NEDD9: variants seen among roughly 807,000 people sequenced by gnomAD.
NEDD9 encodes enhancer of filamentation 1.
A neutral mutation model predicts 76.6 loss-of-function variants in NEDD9; 26 were observed. The ratio of observed to expected loss-of-function variants is 0.34; its 90% CI spans 0.25 to 0.47. NEDD9 has a LOEUF of 0.47. NEDD9 is among the 20% of genes least tolerant of loss of function. The pLI, the probability that NEDD9 is intolerant of heterozygous loss-of-function variation, is 1.00. For synonymous variants in NEDD9, 392 were observed against 414.2 expected (o/e 0.95, Z 0.65); for missense variants, 937 against 1,058.5 (o/e 0.89, Z 1.59).
chr6:11,253,328 A>G (rs1025804727), intron 3 of NEDD9, among the ~76,000 whole-genome samples: 7 of 152,200 alleles, frequency 4.6e-5, no homozygotes, highest in Admixed American at 4.6e-4. Flanking sequence ...GGCCTCCTCC[A>G]TTGAGGTTGC....
intron 1 of NEDD9, among the ~76,000 whole-genome samples, chr6:11,225,932 AC>A (rs1374162026): frequency 6.6e-6 from 1 of 151,856 alleles, no homozygotes; most frequent in East Asian, 1.9e-4. Context: ...CCCTACGTCA[AC>A]CATGAAAAAC....
At position 11,268,725 on chromosome 6, in the gene NEDD9, T is replaced by TCACACAAACA. The variant is rs1162856844; in HGVS notation, c.12+37266_12+37267insTGTTTGTGTG. Among the ~76,000 whole-genome samples, 318 of 135,246 alleles carry TCACACAAACA rather than the reference T, an allele frequency of 2.4e-3. 3 individuals are homozygous for TCACACAAACA. Among genetic ancestry groups the TCACACAAACA allele is most frequent in the African/African-American group, 7.0e-3 (248 of 35,228 alleles). The allele number at this position is 135,246 out of a possible 152,430, so 88.7% of individuals were successfully genotyped here. A position where few individuals can be genotyped will look rare whatever the true frequency, so the allele number is the denominator to read the frequency against. The stretch of plus-strand genomic sequence containing the variant: ...CCTGGGCAACAAGAACGAAGCTCCA[T>TCACACAAACA]CACACACACACACACACACAGACAC... On this transcript the variant is annotated intron_variant, in intron 3 of 3. Coordinates refer to the NEDD9 transcript ENST00000397378.
intron 1 of NEDD9, among the ~76,000 whole-genome samples, chr6:11,381,351 G>A (rs763458421): frequency 3.3e-5 from 5 of 152,182 alleles, no homozygotes; most frequent in East Asian, 1.9e-4. Context: ...ATTGGTGGCC[G>A]ATCTCTGCAT....
chr6:11,187,999 A>T (rs1758019794), intron 6 of NEDD9, among the ~76,000 whole-genome samples: 1 of 151,756 alleles, frequency 6.6e-6, no homozygotes, highest in African/African-American at 2.4e-5. Context: ...TTTAGCCTTT[A>T]AAAAAATTGC....
intron 3 of NEDD9, among the ~76,000 whole-genome samples, chr6:11,305,600 T>A (rs79420098): frequency 6.6e-6 from 1 of 152,346 alleles, no homozygotes; most frequent in East Asian, 1.9e-4. Context: ...TGGTTGAAGG[T>A]GACTGGCAAA....
chr6:11,263,467 C>A (rs1191370869), intron 3 of NEDD9, among the ~76,000 whole-genome samples: 1 of 151,902 alleles, frequency 6.6e-6, no homozygotes, highest in African/African-American at 2.4e-5. Context: ...GGAAAAAAAC[C>A]CTCCCAGGAG....
intron 3 of NEDD9, among the ~76,000 whole-genome samples, chr6:11,248,294 C>A (rs957414898): frequency 6.6e-6 from 1 of 151,868 alleles, no homozygotes; most frequent in Non-Finnish European, 1.5e-5. Context: ...CAGCTAAGTG[C>A]GCCATCTCTT....
Position 11,299,584 on chromosome 6 carries a change from T to A in NEDD9, c.12+6408A>T, listed in dbSNP as rs149723970. On this transcript the variant is annotated intron_variant, in intron 3 of 3. Transcript: ENST00000397378. ...GTCCTTGACCCCTGTGTAGCCTGAC[T>A]GGGAAACACTTCCCAGTAGGGGCCA... Among the ~76,000 whole-genome samples the A allele has an allele frequency of 1.4e-3, 214 of 152,322 alleles. 4 individuals are homozygous for A. The highest frequency in any genetic ancestry group is 4.9e-3 in the African/African-American group (203 of 41,576).
chr6:11,261,793 G>C (rs1344572021), intron 3 of NEDD9, among the ~76,000 whole-genome samples: 1 of 136,928 alleles, frequency 7.3e-6, no homozygotes, highest in African/African-American at 3.0e-5. Context: ...TTTTTGCTCT[G>C]CTAAAATTCC....
chr6:11,249,057 C>T (rs974126567), intron 3 of NEDD9: 24 of 448,658 alleles, frequency 5.3e-5, no homozygotes, highest in Admixed American at 2.1e-4. Context: ...CATATGTCAA[C>T]GTGACTGGGC....
chr6:11,379,000 G>C (rs1417745267), intron 1 of NEDD9, among the ~76,000 whole-genome samples: 2 of 152,164 alleles, frequency 1.3e-5, no homozygotes, highest in Non-Finnish European at 2.9e-5. Context: ...GGACGTTTGG[G>C]AGCCACTGTG....
chr6:11,342,211 A>T (rs963747181), intron 1 of NEDD9, among the ~76,000 whole-genome samples: 4 of 152,160 alleles, frequency 2.6e-5, no homozygotes, highest in African/African-American at 9.7e-5. Context: ...AATATCAGAC[A>T]GTCTAACTTA....
chr6:11,275,405 T>C (rs1760394347), intron 3 of NEDD9, among the ~76,000 whole-genome samples: 1 of 152,162 alleles, frequency 6.6e-6, no homozygotes, highest in Non-Finnish European at 1.5e-5. Flanking sequence ...ATTTTAAATA[T>C]TTTTACCCTA....
chr6:11,214,242 C>G, intron 1 of NEDD9: 1 of 512,752 alleles, frequency 2.0e-6, no homozygotes, highest in Non-Finnish European at 3.9e-6. Flanking sequence ...CATATATATG[C>G]CTTGGCAGGG....
intron 2 of NEDD9, among the ~76,000 whole-genome samples, chr6:11,203,718 G>T (rs908924132): frequency 6.6e-6 from 1 of 152,170 alleles, no homozygotes; most frequent in African/African-American, 2.4e-5. Context: ...GCTCCTTAAT[G>T]GGGAACTCTG....
At chr6:11,243,786 A>G (rs1383826378) in intron 3 of NEDD9, among the ~76,000 whole-genome samples, 4 of 151,896 alleles carry the variant, frequency 2.6e-5, no homozygotes, top group Admixed American at 2.6e-4. Context: ...AATGACGTCT[A>G]CTCTGATGAC....
rs542368053 is a variant in NEDD9, at chr6:11,325,436, C to T, written c.-153+9065G>A. Among the ~76,000 whole-genome samples, 7 of 151,700 alleles carry T rather than the reference C, an allele frequency of 4.6e-5. No individual in the cohort carries two copies. The South Asian group carries it at 1.0e-3, about 23-fold the overall frequency. ...GTTTTGTGCAGCATTTTCCACTGTT[C>T]TGGTAAGAATGAAATATGCAAATTG... is the stretch of plus-strand genomic sequence containing the variant. On this transcript the variant is annotated intron_variant, in intron 2 of 3. Transcript: ENST00000397378.
chr6:11,265,458 T>C (rs1214248009), intron 3 of NEDD9, among the ~76,000 whole-genome samples: 3 of 152,276 alleles, frequency 2.0e-5, no homozygotes. Context: ...AATAAATCTA[T>C]GCTTAAAGTT....
rs149207732 is a variant in NEDD9, at chr6:11,342,874, T to C, written c.-213-8313A>G. Among the ~76,000 whole-genome samples the C allele has an allele frequency of 7.4e-4, 112 of 152,306 alleles. 1 individual carries two copies. The East Asian group carries it at 0.012, about 16-fold the overall frequency. Reference sequence around the variant, plus strand: ...CCACATTCAAAAGACTTAACATGCATAGTTGCATATTAAATTCTAGGACAG... The same window carrying C: ...CCACATTCAAAAGACTTAACATGCACAGTTGCATATTAAATTCTAGGACAG... On this transcript the variant is annotated intron_variant, in intron 1 of 3. Transcript: ENST00000397378.
Sources: gnomAD v4.1 joint callset for allele counts (sites outside exome capture counted in the v4.1 genomes callset) on GRCh38, gnomAD v4.1.1 for gene constraint, MANE v1.5 for transcripts, NCBI Gene and HGNC (gene_info 2026-07-23, HGNC 2026-07-21) for gene names.